The following ST6GALNAC3 variants were observed in gnomAD, a reference collection of about 807,000 sequenced individuals.
ST6GALNAC3 encodes alpha-N-acetylgalactosaminide alpha-2,6-sialyltransferase 3.
In ST6GALNAC3, 25 loss-of-function variants were observed where a neutral mutation model predicts 32.7. The observed-to-expected ratio is 0.76, with a 90% confidence interval of 0.56 to 1.07. The LOEUF (loss-of-function observed/expected upper bound fraction) is 1.07, where lower values mean the gene tolerates loss of function less well. Ranked by LOEUF, ST6GALNAC3 falls within the 50% of genes least tolerant of loss-of-function variation. ST6GALNAC3 has a pLI of 0.00. For missense variants in ST6GALNAC3, 355 were observed against 382.4 expected (o/e 0.93, Z 0.60); for synonymous variants, 129 against 133.1 (o/e 0.97, Z 0.21).
At chr1:76,605,031 T>C (rs1442611448) in intron 3 of ST6GALNAC3, among the ~76,000 whole-genome samples, 1 of 152,236 alleles carries the variant, frequency 6.6e-6, no homozygotes, top group Non-Finnish European at 1.5e-5. Flanking sequence ...CATCTAATCA[T>C]GTTATTTCTT....
chr1:76,156,047 G>A (rs1344206484), intron 1 of ST6GALNAC3, among the ~76,000 whole-genome samples: 1 of 152,108 alleles, frequency 6.6e-6, no homozygotes, highest in Non-Finnish European at 1.5e-5. Flanking sequence ...GACCTTGACA[G>A]TTTTGAGGAG....
rs931802843 is a variant in ST6GALNAC3, at chr1:76,630,525, G to T, written c.*1719G>T. The stretch of plus-strand genomic sequence containing the variant: ...GAATTCAAAAACATCCTTGCAGAAT[G>T]ATTCAAAAGACAAAAGCCAGGCTCA... On this transcript the variant is annotated 3_prime_UTR_variant, in exon 5 of 5. Transcript: ENST00000328299. 1.6e-5 allele frequency: 16 copies of T among 985,126 alleles called. No individual in the cohort carries two copies. The highest frequency in any genetic ancestry group is 1.9e-5 in the Non-Finnish European group (16 of 829,842). The allele number at this position is 985,126 out of a possible 1,614,324, so 61.0% of individuals were successfully genotyped here. A position where few individuals can be genotyped will look rare whatever the true frequency, so the allele number is the denominator to read the frequency against.
intron 2 of ST6GALNAC3, among the ~76,000 whole-genome samples, chr1:76,344,504 C>T (rs564174828): frequency 1.3e-5 from 2 of 152,276 alleles, no homozygotes; most frequent in Admixed American, 6.5e-5. Context: ...GTCTCCACCA[C>T]TAGAATGTAA....
chr1:76,396,630 A>T (rs1054372456), intron 2 of ST6GALNAC3, among the ~76,000 whole-genome samples: 1 of 152,172 alleles, frequency 6.6e-6, no homozygotes, highest in African/African-American at 2.4e-5. Flanking sequence ...TGCTAATAAA[A>T]GCCAATTAGG....
chr1:76,089,309 C>G (rs1223653845), intron 1 of ST6GALNAC3, among the ~76,000 whole-genome samples: 1 of 152,096 alleles, frequency 6.6e-6, no homozygotes, highest in African/African-American at 2.4e-5. Flanking sequence ...CCTTGGCCTC[C>G]CAAAATGCTG....
intron 3 of ST6GALNAC3, among the ~76,000 whole-genome samples, chr1:76,484,164 C>A (rs1466956367): frequency 6.6e-6 from 1 of 152,146 alleles, no homozygotes; most frequent in African/African-American, 2.4e-5. Flanking sequence ...ATGATGCCTC[C>A]AGCTTTGTTC....
At chr1:76,495,360 G>C (rs12742787) in intron 3 of ST6GALNAC3, among the ~76,000 whole-genome samples, 100,626 of 152,026 alleles carry the variant, frequency 0.66, 35,816 homozygotes, top group East Asian at 0.9. Context: ...TTAAGGGTAG[G>C]ATTTCTTGTT....
chr1:76,131,678 T>G (rs1027568971), intron 1 of ST6GALNAC3, among the ~76,000 whole-genome samples: 1 of 152,184 alleles, frequency 6.6e-6, no homozygotes, highest in Non-Finnish European at 1.5e-5. Context: ...GACCAGGATA[T>G]TAAATTGTGA....
chr1:76,361,042 A>G (rs1438504702), intron 2 of ST6GALNAC3, among the ~76,000 whole-genome samples: 1 of 152,158 alleles, frequency 6.6e-6, no homozygotes, highest in Non-Finnish European at 1.5e-5. Flanking sequence ...AGTCAGAAAC[A>G]TACCTTAGGT....
At chr1:76,443,523 T>C (rs1203173455) in intron 3 of ST6GALNAC3, among the ~76,000 whole-genome samples, 1 of 152,164 alleles carries the variant, frequency 6.6e-6, no homozygotes, top group Admixed American at 6.5e-5. Context: ...TATTGCAGGG[T>C]CCAAGGCAGG....
At chr1:76,390,930 TTA>T (rs144246693) in intron 2 of ST6GALNAC3, among the ~76,000 whole-genome samples, 7 of 98,276 alleles carry the variant, frequency 7.1e-5, no homozygotes, top group Non-Finnish European at 1.0e-4. Context: ...ATTAAAATGC[TTA>T]TATATATATA....
chr1:76,507,128 A>G (rs1661526120), intron 3 of ST6GALNAC3, among the ~76,000 whole-genome samples: 1 of 152,138 alleles, frequency 6.6e-6, no homozygotes, highest in Non-Finnish European at 1.5e-5. Flanking sequence ...TGTTGGTCCT[A>G]AGTATAAGGT....
chr1:76,189,870 T>A (rs1344279806), intron 1 of ST6GALNAC3, among the ~76,000 whole-genome samples: 1 of 152,130 alleles, frequency 6.6e-6, no homozygotes, highest in Non-Finnish European at 1.5e-5. Context: ...AAAGAATCTC[T>A]GAGGGCCATT....
At chr1:76,215,207 A>C (rs932824106) in intron 1 of ST6GALNAC3, among the ~76,000 whole-genome samples, 3 of 152,180 alleles carry the variant, frequency 2.0e-5, no homozygotes, top group African/African-American at 7.2e-5. Flanking sequence ...AGCTGAATAC[A>C]ATCCTTAAAA....
At chr1:76,157,455 T>C (rs984725574) in intron 1 of ST6GALNAC3, among the ~76,000 whole-genome samples, 1 of 152,218 alleles carries the variant, frequency 6.6e-6, no homozygotes, top group African/African-American at 2.4e-5. Context: ...CCATGGAAAA[T>C]AGCCTCGTCA....
chr1:76,181,122 C>T (rs1278608638), intron 1 of ST6GALNAC3, among the ~76,000 whole-genome samples: 14 of 152,234 alleles, frequency 9.2e-5, no homozygotes, highest in Non-Finnish European at 1.5e-5. Context: ...CGTCTGCATG[C>T]TCCCACTCCT....
At chr1:76,585,134 C>T (rs1646942235) in intron 3 of ST6GALNAC3, among the ~76,000 whole-genome samples, 1 of 152,146 alleles carries the variant, frequency 6.6e-6, no homozygotes, top group African/African-American at 2.4e-5. Context: ...CCTGTATTCC[C>T]AGCAATTTTG....
At chr1:76,404,293 G>T (rs1357806565) in intron 2 of ST6GALNAC3, among the ~76,000 whole-genome samples, 2 of 152,118 alleles carry the variant, frequency 1.3e-5, no homozygotes, top group East Asian at 3.9e-4. Context: ...ATGCTGGTTT[G>T]TGGAGGGGCA....
intron 3 of ST6GALNAC3, among the ~76,000 whole-genome samples, chr1:76,485,656 A>C (rs566061208): frequency 7.9e-5 from 12 of 152,040 alleles, no homozygotes; most frequent in Admixed American, 3.9e-4. Context: ...AATTTTGTTG[A>C]TCCTTTCAAA....
Sources: gnomAD v4.1 joint callset for allele counts (sites outside exome capture counted in the v4.1 genomes callset) on GRCh38, gnomAD v4.1.1 for gene constraint, MANE v1.5 for transcripts, NCBI Gene and HGNC (gene_info 2026-07-23, HGNC 2026-07-21) for gene names.